Variants in OSBPL10 observed in about 807,000 individuals in gnomAD.
OSBPL10 encodes oxysterol binding protein like 10, also known as oxysterol-binding protein-related protein 10.
A neutral mutation model predicts 81.7 loss-of-function variants in OSBPL10; 49 were observed. That is an observed-to-expected ratio of 0.60 (90% CI 0.48 to 0.76). OSBPL10 has a LOEUF of 0.76. OSBPL10 is among the 30% of genes least tolerant of loss of function. The pLI is 0.00. For synonymous variants in OSBPL10, 419 were observed against 383.6 expected, an observed-to-expected ratio of 1.09 and a Z score of -1.08; for missense variants, 923 against 987.8, an observed-to-expected ratio of 0.93 and a Z score of 0.88.
intron 6 of OSBPL10, among the ~76,000 whole-genome samples, chr3:31,724,555 C>T (rs1377737704): frequency 6.6e-6 from 1 of 151,948 alleles, no homozygotes; most frequent in Admixed American, 6.6e-5. Flanking sequence ...AAAACAACAC[C>T]CACCCAAGAA....
intron 8 of OSBPL10, among the ~76,000 whole-genome samples, chr3:31,678,463 G>A (rs768364645): frequency 6.6e-6 from 1 of 152,238 alleles, no homozygotes; most frequent in African/African-American, 2.4e-5. Context: ...GCTGGTGGTC[G>A]GGGACAGGGG....
chr3:31,947,100 A>G (rs1339104153), intron 1 of OSBPL10, among the ~76,000 whole-genome samples: 1 of 152,224 alleles, frequency 6.6e-6, no homozygotes, highest in Non-Finnish European at 1.5e-5. Context: ...AACGAGACAC[A>G]GCAGTAATCA....
chr3:31,822,727 T>C (rs1031020779), intron 4 of OSBPL10, among the ~76,000 whole-genome samples: 3 of 151,654 alleles, frequency 2.0e-5, no homozygotes. Context: ...CTGCACAACA[T>C]AGCAAGACCC....
rs1559462862 is a variant in OSBPL10 at position 31,783,114 on chromosome 3, TATATATATA to T, written c.730-35003_730-34995del. ...TATATCTATATCAATATATCTATTA[TATATATATA>T]TATATATATATATATATATATATAC... On this transcript the variant is annotated intron_variant, in intron 4 of 11. Coordinates refer to ENST00000396556, the MANE Select transcript of OSBPL10 (RefSeq NM_017784.5). Among the ~76,000 whole-genome samples, 33 of 20,218 alleles carry T rather than the reference TATATATATA, an allele frequency of 1.6e-3. 1 individual carries two copies. The highest frequency in any genetic ancestry group is 5.5e-3 in the African/African-American group (32 of 5,820). The allele number at this position is 20,218 out of a possible 152,430, so 13.3% of individuals were successfully genotyped here.
intron 4 of OSBPL10, among the ~76,000 whole-genome samples, chr3:31,788,773 G>A (rs1227423237): frequency 6.6e-6 from 1 of 151,616 alleles, no homozygotes; most frequent in Non-Finnish European, 1.5e-5. Context: ...GTGAGACCTT[G>A]CCTCTAAAAA....
At chr3:31,685,491 C>T (rs572900994) in intron 7 of OSBPL10, among the ~76,000 whole-genome samples, 1 of 152,292 alleles carries the variant, frequency 6.6e-6, no homozygotes, top group South Asian at 2.1e-4. Flanking sequence ...AATAATCCAC[C>T]CACTTAGCTG....
At chr3:31,664,834 C>T (rs1420717540) in intron 10 of OSBPL10, among the ~76,000 whole-genome samples, 1 of 152,050 alleles carries the variant, frequency 6.6e-6, no homozygotes, top group African/African-American at 2.4e-5. Context: ...CTCATCTCCC[C>T]CCATGTCTAC....
At chr3:31,979,482 A>G (rs1575074614) in intron 1 of OSBPL10, among the ~76,000 whole-genome samples, 1 of 152,200 alleles carries the variant, frequency 6.6e-6, no homozygotes, top group African/African-American at 2.4e-5. Flanking sequence ...TTTCCAAACA[A>G]TCTACAGGAA....
intron 5 of OSBPL10, among the ~76,000 whole-genome samples, chr3:31,736,241 T>C (rs1354583691): frequency 1.3e-5 from 2 of 152,170 alleles, no homozygotes; most frequent in Non-Finnish European, 2.9e-5. Flanking sequence ...ACACATAGAA[T>C]GTGTACTGAG....
chr3:31,675,945 CAAAAAAAAAA>C (rs773575072), intron 8 of OSBPL10, among the ~76,000 whole-genome samples: 5 of 59,180 alleles, frequency 8.4e-5, no homozygotes, highest in African/African-American at 2.8e-4. Context: ...GACTCCATCT[CAAAAAAAAAA>C]AAAAAAAAAA....
intron 1 of OSBPL10, among the ~76,000 whole-genome samples, chr3:31,923,215 G>A (rs975988727): frequency 6.6e-6 from 1 of 152,114 alleles, no homozygotes; most frequent in African/African-American, 2.4e-5. Context: ...GACTGGTGGA[G>A]GAAAGGGGTG....
At chr3:31,934,810 C>A (rs949491757) in intron 1 of OSBPL10, among the ~76,000 whole-genome samples, 7 of 152,156 alleles carry the variant, frequency 4.6e-5, no homozygotes, top group South Asian at 4.1e-4. Flanking sequence ...AGCACAATTA[C>A]TGCTTACTAT....
chr3:31,952,259 C>A (rs1461928707), intron 1 of OSBPL10, among the ~76,000 whole-genome samples: 2 of 151,626 alleles, frequency 1.3e-5, no homozygotes, highest in Non-Finnish European at 2.9e-5. Context: ...TTCAGTGAGG[C>A]AAAACTATTC....
intron 6 of OSBPL10, among the ~76,000 whole-genome samples, chr3:31,724,976 A>T (rs1201293832): frequency 6.7e-6 from 1 of 150,042 alleles, no homozygotes; most frequent in African/African-American, 2.5e-5. Flanking sequence ...CCATAGGTAA[A>T]CCCACAGCCA....
At chr3:31,702,800 T>C (rs1168193639) in intron 6 of OSBPL10, among the ~76,000 whole-genome samples, 1 of 152,242 alleles carries the variant, frequency 6.6e-6, no homozygotes, top group Non-Finnish European at 1.5e-5. Context: ...CTATAGTATA[T>C]GGGTATGAGC....
intron 2 of OSBPL10, chr3:32,030,235 A>C (rs1032651733): frequency 3.3e-6 from 1 of 299,582 alleles, no homozygotes; most frequent in Admixed American, 3.5e-5. Context: ...CACGTGATAC[A>C]TGTTCTCCAG....
At chr3:31,957,602 T>C (rs1698043703) in intron 1 of OSBPL10, among the ~76,000 whole-genome samples, 1 of 152,202 alleles carries the variant, frequency 6.6e-6, no homozygotes, top group Non-Finnish European at 1.5e-5. Flanking sequence ...TGGAGATTCC[T>C]GGGGTTTTTT....
At chr3:31,998,678 T>C (rs1699115127) in intron 2 of OSBPL10, among the ~76,000 whole-genome samples, 2 of 152,236 alleles carry the variant, frequency 1.3e-5, no homozygotes, top group Non-Finnish European at 2.9e-5. Flanking sequence ...TTCTTGCCAA[T>C]TGGCTATCCA....
intron 2 of OSBPL10, among the ~76,000 whole-genome samples, chr3:31,987,289 C>T (rs1033452369): frequency 5.3e-5 from 8 of 152,162 alleles, no homozygotes; most frequent in South Asian, 2.1e-4. Context: ...TCCTTTAGAG[C>T]TATATTATCC....
Sources: allele counts gnomAD v4.1 joint callset (sites outside exome capture counted in the v4.1 genomes callset), GRCh38; gene constraint gnomAD v4.1.1; transcripts MANE v1.5; gene names NCBI Gene and HGNC (gene_info 2026-07-23, HGNC 2026-07-21).